TEAD1: variants seen among roughly 807,000 people sequenced by gnomAD.
TEAD1 encodes the protein TEA domain transcription factor 1, also known as transcriptional enhancer factor TEF-1.
In TEAD1, 9 loss-of-function variants were observed where a neutral mutation model predicts 54.9. The observed-to-expected ratio is 0.16, with a 90% CI of 0.10 to 0.29. The LOEUF is 0.29. Ranked by LOEUF, TEAD1 falls within the 10% of genes least tolerant of loss-of-function variation. The probability of loss-of-function intolerance (pLI) is 1.00; values close to 1 mark genes in which losing one functional copy is unlikely to be tolerated. For synonymous variants in TEAD1, 200 were observed against 187.8 expected (o/e 1.07, Z -0.53); for missense variants, 387 against 535.9 (o/e 0.72, Z 2.74).
At chr11:12,782,162 A>G (rs1038306673) in intron 3 of TEAD1, among the ~76,000 whole-genome samples, 1 of 152,104 alleles carries the variant, frequency 6.6e-6, no homozygotes, top group Non-Finnish European at 1.5e-5. Context: ...ATGGATATTT[A>G]TAGCAGCATT....
At chr11:12,747,955 T>G (rs986772742) in intron 2 of TEAD1, among the ~76,000 whole-genome samples, 1 of 142,676 alleles carries the variant, frequency 7.0e-6, no homozygotes, top group Non-Finnish European at 1.5e-5. Flanking sequence ...ATGTCCAAGG[T>G]GATCCCTGCA....
chr11:12,728,870 A>G (rs1036400065), intron 2 of TEAD1, among the ~76,000 whole-genome samples: 2 of 152,186 alleles, frequency 1.3e-5, no homozygotes, highest in African/African-American at 4.8e-5. Context: ...GGAATGTAGC[A>G]CCTGTAGAAA....
At chr11:12,863,466 T>C (rs995400741) in intron 4 of TEAD1, among the ~76,000 whole-genome samples, 18 of 152,298 alleles carry the variant, frequency 1.2e-4, no homozygotes, top group African/African-American at 2.9e-4. Flanking sequence ...GAGTTTCTGC[T>C]TCTCTGTACT....
intron 11 of TEAD1, among the ~76,000 whole-genome samples, chr11:12,927,774 A>G (rs556650017): frequency 6.6e-6 from 1 of 152,122 alleles, no homozygotes; most frequent in African/African-American, 2.4e-5. Context: ...ATTATATAAT[A>G]TGTTGTAATT....
intron 4 of TEAD1, chr11:12,864,633 T>TTTTGTTTTGTTTTGG: frequency 8.4e-7 from 1 of 1,195,346 alleles, no homozygotes; most frequent in Non-Finnish European, 1.1e-6. Context: ...TTTTGTTTTG[T>TTTTGTTTTGTTTTGG]TTTGTTTTGT....
At chr11:12,806,749 A>G (rs562613487) in intron 3 of TEAD1, among the ~76,000 whole-genome samples, 14 of 152,370 alleles carry the variant, frequency 9.2e-5, no homozygotes, top group African/African-American at 3.1e-4. Flanking sequence ...TAAATGATCT[A>G]AACATCAACA....
intron 3 of TEAD1, among the ~76,000 whole-genome samples, chr11:12,798,972 T>C (rs1199817500): frequency 1.3e-5 from 2 of 152,220 alleles, no homozygotes; most frequent in Non-Finnish European, 2.9e-5. Flanking sequence ...CCAGGCATTC[T>C]GCCTGCTGGC....
chr11:12,729,952 A>G (rs1944386347), intron 2 of TEAD1, among the ~76,000 whole-genome samples: 1 of 152,214 alleles, frequency 6.6e-6, no homozygotes, highest in African/African-American at 2.4e-5. Flanking sequence ...AGCGCAGCAT[A>G]TTAAAGGCTT....
intron 2 of TEAD1, among the ~76,000 whole-genome samples, chr11:12,744,511 A>T (rs1475800795): frequency 6.6e-6 from 1 of 152,224 alleles, no homozygotes; most frequent in Non-Finnish European, 1.5e-5. Flanking sequence ...ATAAAAACCT[A>T]AAGCTGTAAG....
chr11:12,765,338 T>A (rs2133927179), intron 3 of TEAD1, among the ~76,000 whole-genome samples: 1 of 152,260 alleles, frequency 6.6e-6, no homozygotes, highest in East Asian at 1.9e-4. Flanking sequence ...ACATTCTGCT[T>A]GTCTAATTGA....
In TEAD1 at chr11:12,801,722, T is replaced by C. The variant is rs79294377; in HGVS notation, c.202+37288T>C. On this transcript the variant is annotated intron_variant, in intron 3 of 12. Transcript: ENST00000527636. ...TTGGACTTTCCTGAAGATGTTTATGTGCATTGTCGCCACAGAGTCAAACCA... is the reference window on the plus strand; with the variant it reads ...TTGGACTTTCCTGAAGATGTTTATGCGCATTGTCGCCACAGAGTCAAACCA... Among the ~76,000 whole-genome samples, 1,111 of 152,334 alleles carry C rather than the reference T, an allele frequency of 7.3e-3. 8 individuals carry two copies. Among genetic ancestry groups the C allele is most frequent in the Non-Finnish European group, 0.013 (862 of 68,030 alleles).
At chr11:12,879,001 C>T in intron 5 of TEAD1, 2 of 978,102 alleles carry the variant, frequency 2.0e-6, no homozygotes, top group Non-Finnish European at 2.7e-6. Context: ...CTAGAAAAGA[C>T]CCGTTCAGGA....
chr11:12,931,391 GA>G (rs1354751784), intron 12 of TEAD1, among the ~76,000 whole-genome samples: 1 of 152,158 alleles, frequency 6.6e-6, no homozygotes, highest in Non-Finnish European at 1.5e-5. Context: ...AAACTTGAGG[GA>G]AACAATCTTA....
At chr11:12,742,275 T>G (rs1400248845) in intron 2 of TEAD1, among the ~76,000 whole-genome samples, 1 of 152,264 alleles carries the variant, frequency 6.6e-6, no homozygotes, top group Non-Finnish European at 1.5e-5. Flanking sequence ...ATAATATTTC[T>G]AAACTTCATT....
At chr11:12,850,831 G>C (rs1423194585) in intron 3 of TEAD1, among the ~76,000 whole-genome samples, 2 of 152,140 alleles carry the variant, frequency 1.3e-5, no homozygotes, top group Non-Finnish European at 2.9e-5. Flanking sequence ...GTTAAGATTA[G>C]CTTTTTTTGG....
intron 3 of TEAD1, among the ~76,000 whole-genome samples, chr11:12,855,177 C>T (rs1947352762): frequency 6.6e-6 from 1 of 152,200 alleles, no homozygotes; most frequent in Non-Finnish European, 1.5e-5. Context: ...TAAAACACCC[C>T]CATTCTGTAG....
At chr11:12,816,301 C>A (rs1315095598) in intron 3 of TEAD1, among the ~76,000 whole-genome samples, 1 of 152,178 alleles carries the variant, frequency 6.6e-6, no homozygotes, top group Non-Finnish European at 1.5e-5. Context: ...TCTGGAAATC[C>A]CCTGTAGGAT....
intron 3 of TEAD1, among the ~76,000 whole-genome samples, chr11:12,784,251 G>C (rs779959150): frequency 6.6e-6 from 1 of 152,192 alleles, no homozygotes; most frequent in African/African-American, 2.4e-5. Flanking sequence ...TATAGACACA[G>C]TTGTACAGCA....
At chr11:12,731,814 C>T (rs1178581174) in intron 2 of TEAD1, among the ~76,000 whole-genome samples, 11 of 152,158 alleles carry the variant, frequency 7.2e-5, no homozygotes, top group Admixed American at 7.2e-4. Flanking sequence ...ATTCTCTAGC[C>T]TCACTGTCCC....
Sources: gnomAD v4.1 joint callset for allele counts (sites outside exome capture counted in the v4.1 genomes callset) on GRCh38, gnomAD v4.1.1 for gene constraint, MANE v1.5 for transcripts, NCBI Gene and HGNC (gene_info 2026-07-23, HGNC 2026-07-21) for gene names.